CLCN5: variants seen among roughly 807,000 people sequenced by gnomAD.
CLCN5 encodes the protein H(+)/Cl(-) exchange transporter 5.
Under a neutral mutation model 54.0 loss-of-function variants are expected in CLCN5, and 17 were observed. The ratio of observed to expected loss-of-function variants is 0.31; its 90% CI spans 0.22 to 0.47. CLCN5 has a LOEUF of 0.47. CLCN5 is among the 20% of genes least tolerant of loss of function. The pLI is 1.00. For synonymous variants in CLCN5, 222 were observed against 233.0 expected (o/e 0.95, Z 0.43); for missense variants, 448 against 646.7 (o/e 0.69, Z 3.33).
chrX:50,065,006 T>C (rs1390101997), intron 4 of CLCN5, among the ~76,000 whole-genome samples: 1 of 110,911 alleles, frequency 9.0e-6, no homozygotes, highest in Non-Finnish European at 1.9e-5. Flanking sequence ...ATACAAAAAT[T>C]AATTCAAGAT....
rs1418038997 is a variant in CLCN5 at position 50,096,559 on chromosome X, C to T, written c.*4340C>T. The T allele has an allele frequency of 8.9e-6, 1 of 112,303 alleles. No homozygotes were observed. Among genetic ancestry groups the T allele is most frequent in the Non-Finnish European group, 1.9e-5 (1 of 53,116 alleles). 9.3% of individuals were successfully genotyped at this position (112,303 alleles called of 1,213,427 possible). A position where few individuals can be genotyped will look rare whatever the true frequency, so the allele number is the denominator to read the frequency against. On this transcript the variant is annotated 3_prime_UTR_variant, in exon 15 of 15. Coordinates refer to ENST00000376091, the MANE Select transcript of CLCN5 (RefSeq NM_001127898.4). ...GTCTCGATCTCTTGACCTCGTGATCCACCCATCTCGGCCTCCCAAAGTGCT... is the reference window on the plus strand; with the variant it reads ...GTCTCGATCTCTTGACCTCGTGATCTACCCATCTCGGCCTCCCAAAGTGCT...
chrX:50,098,641 T>C lies in CLCN5; in HGVS notation c.*6422T>C, dbSNP rs1255171728. 1 of 112,939 alleles carries C rather than the reference T, an allele frequency of 8.9e-6. No homozygotes were observed. The highest frequency in any genetic ancestry group is 2.8e-4 in the East Asian group (1 of 3,594). The allele number at this position is 112,939 out of a possible 1,213,427, so 9.3% of individuals were successfully genotyped here. A position where few individuals can be genotyped will look rare whatever the true frequency, so the allele number is the denominator to read the frequency against. On this transcript the variant is annotated 3_prime_UTR_variant, in exon 15 of 15. Transcript: ENST00000376091. ...GTAACTAGGCATCCAGAAAGTAGCT[T>C]CAACCAAAGCTAATAGAGCCCAAGT...
chrX:50,015,515 T>C (rs781976568), intron 3 of CLCN5, among the ~76,000 whole-genome samples: 2 of 108,445 alleles, frequency 1.8e-5, no homozygotes, highest in Non-Finnish European at 3.8e-5. Context: ...ATCTTTATAT[T>C]ACCTTACTTT....
intron 3 of CLCN5, among the ~76,000 whole-genome samples, chrX:49,949,275 A>G (rs1557172639): frequency 8.9e-6 from 1 of 112,042 alleles, no homozygotes; most frequent in Non-Finnish European, 1.9e-5. Flanking sequence ...AACATCCTAC[A>G]ATGCACAGGC....
intron 2 of CLCN5, among the ~76,000 whole-genome samples, chrX:49,924,008 A>G (rs1365077641): frequency 8.9e-6 from 1 of 112,336 alleles, no homozygotes; most frequent in Non-Finnish European, 1.9e-5. Context: ...TTTAGAAAAA[A>G]CAGATTGGCT....
chrX:50,058,256 T>C (rs1932797171), intron 4 of CLCN5, among the ~76,000 whole-genome samples: 1 of 111,791 alleles, frequency 8.9e-6, no homozygotes, highest in Non-Finnish European at 1.9e-5. Flanking sequence ...AGCTGTGATA[T>C]TACTAAAGCA....
intron 4 of CLCN5, among the ~76,000 whole-genome samples, chrX:50,064,512 G>A (rs1173257624): frequency 1.2e-5 from 1 of 85,726 alleles, no homozygotes; most frequent in Non-Finnish European, 2.2e-5. Flanking sequence ...AATAAAAGAG[G>A]ATACAAACAA....
chrX:50,075,681 G>A, intron 6 of CLCN5, 114 bp from the exon 7 acceptor site: 1 of 644,970 alleles, frequency 1.6e-6, no homozygotes, highest in Non-Finnish European at 2.6e-6. Context: ...GTGCTTATCT[G>A]TTACTTTGAT....
At chrX:49,972,157 G>A (rs1440024694) in intron 3 of CLCN5, among the ~76,000 whole-genome samples, 10 of 95,189 alleles carry the variant, frequency 1.1e-4, no homozygotes, top group Non-Finnish European at 1.7e-4. Flanking sequence ...GTGTGTGTGT[G>A]TGTACATATT....
intron 3 of CLCN5, among the ~76,000 whole-genome samples, chrX:50,016,234 G>A (rs1448605581): frequency 1.8e-5 from 2 of 111,553 alleles, no homozygotes; most frequent in Non-Finnish European, 3.8e-5. Flanking sequence ...AGAACCATTG[G>A]TTTAAATGAC....
intron 4 of CLCN5, among the ~76,000 whole-genome samples, chrX:50,058,226 C>T (rs1932796681): frequency 9.0e-6 from 1 of 111,374 alleles, no homozygotes; most frequent in Non-Finnish European, 1.9e-5. Context: ...AGGTTGTTGC[C>T]AATTAGTGAG....
At position 50,042,044 on chromosome X, in the gene CLCN5, A is replaced by G. The variant is rs145223621; in HGVS notation, c.17-272A>G. On this transcript the variant is annotated intron_variant, in intron 3 of 14. Coordinates refer to ENST00000376091, the MANE Select transcript of CLCN5 (RefSeq NM_001127898.4). ...TCACATATTGTGTGATTTCATTTAT[A>G]TGAAATATCCAGAATCAGCAAATCT... 6.3e-4 allele frequency among the ~76,000 whole-genome samples: 71 copies of G among 112,443 alleles called. No homozygotes were observed. In the East Asian group the frequency reaches 0.014, roughly 22 times the overall value.
chrX:50,008,413 C>T, intron 3 of CLCN5: 1 of 335,947 alleles, frequency 3.0e-6, no homozygotes, highest in African/African-American at 2.6e-5. Flanking sequence ...ACTGAACATT[C>T]ACAGGGCTTT....
intron 3 of CLCN5, among the ~76,000 whole-genome samples, chrX:50,008,248 C>T (rs1228063049): frequency 8.9e-6 from 1 of 112,298 alleles, no homozygotes; most frequent in Non-Finnish European, 1.9e-5. Context: ...CTCCCAGTCT[C>T]TTTATAGGTT....
intron 3 of CLCN5, among the ~76,000 whole-genome samples, chrX:49,950,844 A>G (rs1371622908): frequency 8.9e-6 from 1 of 111,769 alleles, no homozygotes; most frequent in Non-Finnish European, 1.9e-5. Context: ...AGAATGGGGT[A>G]TCTGTCCCTT....
At position 50,093,745 on chromosome X, in the gene CLCN5, A is replaced by G. The variant is rs1159661216; in HGVS notation, c.*1526A>G. 9.0e-6 allele frequency: 1 copy of G among 111,195 alleles called. No homozygotes were observed. The highest frequency in any genetic ancestry group is 9.6e-5 in the Admixed American group (1 of 10,413). 9.2% of individuals were successfully genotyped at this position (111,195 alleles called of 1,213,427 possible). On this transcript the variant is annotated 3_prime_UTR_variant, in exon 15 of 15. Transcript: ENST00000376091. The stretch of plus-strand genomic sequence containing the variant: ...TGGGATTGAGCGCTGCTCCTGGTTA[A>G]TCATTCCTACTACAAAAAAAAATAA...
intron 3 of CLCN5, among the ~76,000 whole-genome samples, chrX:49,984,219 A>C (rs1928880359): frequency 8.9e-6 from 1 of 112,066 alleles, no homozygotes; most frequent in Admixed American, 9.5e-5. Flanking sequence ...TTTTCTTATG[A>C]ATTGTCTTTA....
chrX:49,947,172 G>C (rs1159866978), intron 3 of CLCN5, among the ~76,000 whole-genome samples: 1 of 111,427 alleles, frequency 9.0e-6, no homozygotes, highest in Non-Finnish European at 1.9e-5. Flanking sequence ...CTTGGGTAAG[G>C]CTGCTCTAAC....
intron 3 of CLCN5, among the ~76,000 whole-genome samples, chrX:49,996,616 A>C (rs1190926214): frequency 8.9e-6 from 1 of 112,472 alleles, no homozygotes; most frequent in Non-Finnish European, 1.9e-5. Context: ...GTATTTTAAA[A>C]CATGTAGCCT....
Sources: gnomAD v4.1 joint callset for allele counts (sites outside exome capture counted in the v4.1 genomes callset) on GRCh38, gnomAD v4.1.1 for gene constraint, MANE v1.5 for transcripts, NCBI Gene and HGNC (gene_info 2026-07-23, HGNC 2026-07-21) for gene names.